NTRK2: variants seen among roughly 807,000 people sequenced by gnomAD.
The protein encoded by NTRK2 is neurotrophic receptor tyrosine kinase 2, also known as BDNF/NT-3 growth factors receptor.
Under a neutral mutation model 94.5 loss-of-function variants are expected in NTRK2, and 13 were observed. The observed-to-expected ratio is 0.14, with a 90% CI of 0.09 to 0.22. The LOEUF (loss-of-function observed/expected upper bound fraction) is 0.22. Among genes scored for constraint, NTRK2 ranks in the 10% least tolerant of loss-of-function variants. NTRK2 has a pLI of 1.00. For synonymous variants in NTRK2, 372 were observed against 407.4 expected, an observed-to-expected ratio of 0.91 and a Z score of 1.05; for missense variants, 639 against 1,071.2, an observed-to-expected ratio of 0.60 and a Z score of 5.63.
intron 17 of NTRK2, 48 bp from the exon 18 acceptor site, chr9:85,020,158 C>T (rs201719224): frequency 6.2e-7 from 1 of 1,610,528 alleles, no homozygotes; most frequent in Non-Finnish European, 8.5e-7. Context: ...CCTTCCACAC[C>T]TGGTTTCGGG....
chr9:85,012,695 A>G lies in NTRK2; in HGVS notation c.2173-7511A>G, dbSNP rs144855953. ...TATAATTATTATAATCATTTCTATC[A>G]TTATTATTATTATTATTTCACAGTA... On this transcript the variant is annotated intron_variant, in intron 17 of 18. Coordinates refer to ENST00000277120, the MANE Select transcript of NTRK2 (RefSeq NM_006180.6). Among the ~76,000 whole-genome samples, 723 of 151,998 alleles carry G rather than the reference A, an allele frequency of 4.8e-3. 7 individuals are homozygous for G. The highest frequency in any genetic ancestry group is 0.016 in the African/African-American group (671 of 41,484).
At chr9:84,698,983 A>G (rs2060555809) in intron 2 of NTRK2, among the ~76,000 whole-genome samples, 1 of 151,956 alleles carries the variant, frequency 6.6e-6, no homozygotes, top group South Asian at 2.1e-4. Context: ...GACTACACGT[A>G]GTAGCTTATG....
chr9:84,835,385 G>A (rs2073812329), intron 12 of NTRK2, among the ~76,000 whole-genome samples: 1 of 152,062 alleles, frequency 6.6e-6, no homozygotes, highest in Non-Finnish European at 1.5e-5. Flanking sequence ...TCAGCGAAAT[G>A]AGCCCCCACT....
intron 12 of NTRK2, among the ~76,000 whole-genome samples, chr9:84,781,192 G>A (rs896219031): frequency 5.3e-5 from 8 of 152,150 alleles, no homozygotes; most frequent in African/African-American, 1.9e-4. Flanking sequence ...GGTTCAGTCA[G>A]AAGAAAGGTG....
chr9:84,994,759 T>A (rs950786880), intron 17 of NTRK2, among the ~76,000 whole-genome samples: 10 of 152,226 alleles, frequency 6.6e-5, no homozygotes, highest in Admixed American at 1.3e-4. Context: ...CTCAAAATAG[T>A]GCTTTATTTA....
At chr9:84,999,632 G>A (rs1468081349) in intron 17 of NTRK2, among the ~76,000 whole-genome samples, 1 of 152,164 alleles carries the variant, frequency 6.6e-6, no homozygotes, top group African/African-American at 2.4e-5. Context: ...AATCCTATGT[G>A]GAAGAGAATA....
chr9:84,832,612 T>C (rs2073622922), intron 12 of NTRK2, among the ~76,000 whole-genome samples: 1 of 152,202 alleles, frequency 6.6e-6, no homozygotes, highest in Non-Finnish European at 1.5e-5. Flanking sequence ...TTGCGTGTGA[T>C]AAACATGCAT....
chr9:84,931,406 C>CA (rs10559170), intron 14 of NTRK2, among the ~76,000 whole-genome samples: 21,171 of 125,700 alleles, frequency 0.17, 1,755 homozygotes, highest in Middle Eastern at 0.26. Context: ...GACTCTGTCT[C>CA]AAAAAAAAAA....
intron 12 of NTRK2, among the ~76,000 whole-genome samples, chr9:84,859,880 G>T (rs565230470): frequency 6.6e-6 from 1 of 152,192 alleles, no homozygotes; most frequent in South Asian, 2.1e-4. Context: ...TTGGCTCAAG[G>T]CTAGGCCTTC....
chr9:84,767,950 C>A (rs1323178094), intron 12 of NTRK2, among the ~76,000 whole-genome samples: 1 of 152,140 alleles, frequency 6.6e-6, no homozygotes, highest in Non-Finnish European at 1.5e-5. Context: ...TCAGATATTA[C>A]CAGAAAACCA....
At chr9:84,908,014 A>G (rs2132460043) in intron 14 of NTRK2, among the ~76,000 whole-genome samples, 1 of 152,308 alleles carries the variant, frequency 6.6e-6, no homozygotes. Flanking sequence ...TTTATCATTG[A>G]CCAAGGAGCA....
intron 12 of NTRK2, among the ~76,000 whole-genome samples, chr9:84,772,466 T>C (rs961953445): frequency 3.3e-5 from 5 of 152,146 alleles, no homozygotes; most frequent in Admixed American, 1.3e-4. Flanking sequence ...CAGGCTGGTT[T>C]CAAACTTCTG....
chr9:84,813,421 C>T, intron 12 of NTRK2: 1 of 1,063,968 alleles, frequency 9.4e-7, no homozygotes, highest in Non-Finnish European at 1.1e-6. Flanking sequence ...TGTGGGCTGC[C>T]AGTTTATTAC....
At chr9:84,966,349 CGAT>C (rs1564510413) in intron 17 of NTRK2, among the ~76,000 whole-genome samples, 1 of 152,114 alleles carries the variant, frequency 6.6e-6, no homozygotes, top group Non-Finnish European at 1.5e-5. Context: ...ATCTTGAAAG[CGAT>C]GAGATTTGGG....
chr9:84,820,015 C>G (rs1016224389), intron 12 of NTRK2, among the ~76,000 whole-genome samples: 1 of 152,094 alleles, frequency 6.6e-6, no homozygotes, highest in South Asian at 2.1e-4. Flanking sequence ...TCTTCCAACT[C>G]CAGTAAATAT....
At position 85,022,424 on chromosome 9, in the gene NTRK2, C is replaced by T; in HGVS notation, c.*987C>T. The T allele has an allele frequency of 4.3e-6, 1 of 233,226 alleles. No individual in the cohort carries two copies. Among genetic ancestry groups the T allele is most frequent in the Non-Finnish European group, 8.5e-6 (1 of 118,024 alleles). The allele number at this position is 233,226 out of a possible 1,614,324, so 14.4% of individuals were successfully genotyped here. A position where few individuals can be genotyped will look rare whatever the true frequency, so the allele number is the denominator to read the frequency against. ...TGTTTCTCAAGCGCTATCCACAGAA[C>T]CTTTGTCAACTTCAGTTGAAAAGAG... On this transcript the variant is annotated 3_prime_UTR_variant, in exon 19 of 19. Coordinates refer to ENST00000277120, the MANE Select transcript of NTRK2 (RefSeq NM_006180.6).
chr9:84,813,886 A>G (rs2072088109), intron 12 of NTRK2: 3 of 1,065,050 alleles, frequency 2.8e-6, no homozygotes, highest in African/African-American at 3.3e-5. Context: ...ATATTTACTC[A>G]TGGCTCAATG....
At chr9:84,919,218 C>G (rs747871619) in intron 14 of NTRK2, among the ~76,000 whole-genome samples, 18 of 152,128 alleles carry the variant, frequency 1.2e-4, no homozygotes, top group Non-Finnish European at 1.5e-4. Context: ...CACCTTAGAC[C>G]CTTTTGTGTC....
At position 84,704,259 on chromosome 9, in the gene NTRK2, C is replaced by T. The variant is rs1258273532; in HGVS notation, c.359+1840C>T. ...TTTTTTTTTTTTTGAGATGGAGTCT[C>T]GCTCTGTCACCCAGGCTGGAGTGCA... On this transcript the variant is annotated intron_variant, in intron 4 of 18. Coordinates refer to ENST00000277120, the MANE Select transcript of NTRK2 (RefSeq NM_006180.6). 1.2e-4 allele frequency among the ~76,000 whole-genome samples: 14 copies of T among 115,552 alleles called. No homozygotes were observed. In the East Asian group the frequency reaches 2.4e-3, roughly 20 times the overall value. The allele number at this position is 115,552 out of a possible 152,430, so 75.8% of individuals were successfully genotyped here. A position where few individuals can be genotyped will look rare whatever the true frequency, so the allele number is the denominator to read the frequency against.
Sources: allele counts gnomAD v4.1 joint callset (sites outside exome capture counted in the v4.1 genomes callset), GRCh38; gene constraint gnomAD v4.1.1; transcripts MANE v1.5; gene names NCBI Gene and HGNC (gene_info 2026-07-23, HGNC 2026-07-21).